IPO8: variants seen among roughly 807,000 people sequenced by gnomAD.
The protein encoded by IPO8 is importin 8.
A neutral mutation model predicts 141.2 loss-of-function variants in IPO8; 65 were observed. The observed-to-expected ratio is 0.46, with a 90% CI of 0.38 to 0.57. The LOEUF (loss-of-function observed/expected upper bound fraction) is 0.57. Ranked by LOEUF, IPO8 falls within the 20% of genes least tolerant of loss-of-function variation. The probability of loss-of-function intolerance (pLI) is 0.00; values close to 1 mark genes in which losing one functional copy is unlikely to be tolerated. For missense variants in IPO8, 980 were observed against 1,246.8 expected (o/e 0.79, Z 3.22); for synonymous variants, 411 against 420.3 (o/e 0.98, Z 0.27).
chr12:30,689,977 T>C (rs1341482246), intron 2 of IPO8, among the ~76,000 whole-genome samples: 4 of 152,102 alleles, frequency 2.6e-5, no homozygotes, highest in Non-Finnish European at 5.9e-5. Flanking sequence ...AAAAACAAGA[T>C]AAAAGAACGA....
chr12:30,661,066 A>T, intron 16 of IPO8, 75 bp downstream of exon 16: 1 of 1,170,304 alleles, frequency 8.5e-7, no homozygotes, highest in Non-Finnish European at 1.1e-6. Flanking sequence ...TGGAGACTTC[A>T]AAATTCATGG....
At position 30,665,310 on chromosome 12, in the gene IPO8, C is replaced by A. The variant is rs1454389739; in HGVS notation, c.1339-1G>T. On this transcript the variant is annotated splice_acceptor_variant, in intron 12 of 24. Transcript: ENST00000256079. LOFTEE classifies it high-confidence loss of function. Reference sequence around the variant, plus strand: ...CCATTTGGTCCTTGAATAAACTCTTCTATTAGGAAACAAATTTCAACTTAT... The same window carrying A: ...CCATTTGGTCCTTGAATAAACTCTTATATTAGGAAACAAATTTCAACTTAT... 1.3e-6 allele frequency: 2 copies of A among 1,524,328 alleles called. No individual in the cohort carries two copies. Among genetic ancestry groups the A allele is most frequent in the Admixed American group, 3.6e-5 (2 of 55,502 alleles). 94.4% of individuals were successfully genotyped at this position (1,524,328 alleles called of 1,614,324 possible). A position where few individuals can be genotyped will look rare whatever the true frequency, so the allele number is the denominator to read the frequency against.
At chr12:30,662,263 T>G in intron 15 of IPO8, 64 bp downstream of exon 15, 1 of 1,287,764 alleles carries the variant, frequency 7.8e-7, no homozygotes, top group South Asian at 1.3e-5. Context: ...ACTCCATATT[T>G]TGGAGTTTAT....
intron 13 of IPO8, among the ~76,000 whole-genome samples, chr12:30,664,019 C>T (rs548150860): frequency 6.6e-6 from 1 of 152,288 alleles, no homozygotes; most frequent in Non-Finnish European, 1.5e-5. Flanking sequence ...TTAGGTAAAA[C>T]ATTATTTTCC....
At chr12:30,652,166 G>A (rs1054395033) in intron 19 of IPO8, 26 bp downstream of exon 19, 1 of 1,344,570 alleles carries the variant, frequency 7.4e-7, no homozygotes, top group Non-Finnish European at 1.1e-6. Context: ...AAGAACCACT[G>A]AAACAATAGA....
At chr12:30,660,975 CTCAG>C (rs1176951454) in intron 16 of IPO8, among the ~76,000 whole-genome samples, 162 bp downstream of exon 16, 6 of 96,724 alleles carry the variant, frequency 6.2e-5, no homozygotes, top group Admixed American at 1.8e-4. Flanking sequence ...TATAATGTTA[CTCAG>C]TCATTTTAAT....
At chr12:30,676,134 T>C (rs76335456) in intron 6 of IPO8, among the ~76,000 whole-genome samples, 5,924 of 152,020 alleles carry the variant, frequency 0.039, 366 homozygotes, top group African/African-American at 0.13. Context: ...CTATGTTGCA[T>C]AGATTGGTCT....
chr12:30,658,738 T>A (rs1376011906), intron 16 of IPO8, among the ~76,000 whole-genome samples: 2 of 152,170 alleles, frequency 1.3e-5, no homozygotes, highest in African/African-American at 4.8e-5. Context: ...TTACTTGTAA[T>A]TTAATTTGGA....
At chr12:30,693,514 G>A (rs532326292) in intron 1 of IPO8, among the ~76,000 whole-genome samples, 1 of 152,300 alleles carries the variant, frequency 6.6e-6, no homozygotes, top group Non-Finnish European at 1.5e-5. Context: ...TACTTGCTGA[G>A]GGGAGACCTA....
At chr12:30,653,896 A>C (rs2052760299) in intron 17 of IPO8, among the ~76,000 whole-genome samples, 1 of 152,088 alleles carries the variant, frequency 6.6e-6, no homozygotes, top group South Asian at 2.1e-4. Context: ...AATAAAATGG[A>C]AATTACAAAT....
At chr12:30,682,276 G>C (rs569389258) in intron 3 of IPO8, among the ~76,000 whole-genome samples, 4 of 152,172 alleles carry the variant, frequency 2.6e-5, no homozygotes, top group African/African-American at 9.6e-5. Flanking sequence ...GCTTCTCTAT[G>C]GGCCAAAACC....
At chr12:30,656,327 G>C (rs926760569) in intron 17 of IPO8, among the ~76,000 whole-genome samples, 3 of 151,994 alleles carry the variant, frequency 2.0e-5, no homozygotes, top group African/African-American at 7.2e-5. Flanking sequence ...TGTGAGCCAC[G>C]GTGCCCAGCC....
Position 30,666,251 on chromosome 12 carries a change from T to A in IPO8, c.1145A>T (p.Asp382Val). The A allele has an allele frequency of 1.9e-6, 3 of 1,574,424 alleles. No homozygotes were observed. Among genetic ancestry groups the A allele is most frequent in the Non-Finnish European group, 2.6e-6 (3 of 1,153,354 alleles). The change falls in exon 11 of 25, where the codon GAT becomes GTT. Residue 382 changes from aspartate to valine, a missense_variant and splice_region_variant. Coordinates refer to ENST00000256079, the MANE Select transcript of IPO8 (RefSeq NM_006390.4). The stretch of plus-strand genomic sequence containing the variant: ...GGGAGAAGCATAATCTTCAAAAATA[T>A]CTAAGATTTTAAAAGGTTAAAACCA... ...DPYEYIRMKF[D>V]IFEDYASPTT... is the part of the protein sequence containing the mutation.
chr12:30,634,821 G>T (rs896106309), intron 22 of IPO8, among the ~76,000 whole-genome samples: 1 of 151,908 alleles, frequency 6.6e-6, no homozygotes, highest in Non-Finnish European at 1.5e-5. Context: ...CCCACTTCAG[G>T]ATATATATCT....
At chr12:30,642,081 A>G (rs1201825689) in intron 20 of IPO8, among the ~76,000 whole-genome samples, 1 of 152,090 alleles carries the variant, frequency 6.6e-6, no homozygotes, top group Non-Finnish European at 1.5e-5. Flanking sequence ...CTGTAATCCC[A>G]GCTACTCGGG....
intron 9 of IPO8, 115 bp from the exon 10 acceptor site, chr12:30,669,397 G>C: frequency 2.0e-6 from 1 of 512,054 alleles, no homozygotes; most frequent in East Asian, 3.0e-5. Flanking sequence ...CAAACTCTGT[G>C]TGTGTGTAAA....
chr12:30,647,204 A>G (rs2052659022), intron 20 of IPO8, among the ~76,000 whole-genome samples: 1 of 152,206 alleles, frequency 6.6e-6, no homozygotes, highest in South Asian at 2.1e-4. Context: ...TTCAATGGGG[A>G]AAAAATAGTC....
chr12:30,687,200 T>C (rs1472472459), intron 2 of IPO8, among the ~76,000 whole-genome samples: 5 of 152,210 alleles, frequency 3.3e-5, no homozygotes, highest in South Asian at 4.1e-4. Flanking sequence ...AGAGCATCCT[T>C]GTATTTTAAT....
In IPO8 at chr12:30,671,088, T is replaced by C. The variant is rs2053042033; in HGVS notation, c.918A>G (p.Leu306=). The change falls in exon 9 of 25, where the codon CTA becomes CTG. Residue 306 remains leucine (L), a synonymous_variant. Coordinates refer to ENST00000256079, the MANE Select transcript of IPO8 (RefSeq NM_006390.4). ...TCTGTCTATATTGATCTAAAATTTT[T>C]AGTAGCACCTATAAGAAAACAGAAA... ...TYAVGIQQVL[L]KILDQYRQKE... 1 of 1,582,098 alleles carries C rather than the reference T, an allele frequency of 6.3e-7. No individual in the cohort carries two copies. The highest frequency in any genetic ancestry group is 8.7e-7 in the Non-Finnish European group (1 of 1,151,512).
Sources: gnomAD v4.1 joint callset for allele counts (sites outside exome capture counted in the v4.1 genomes callset) on GRCh38, gnomAD v4.1.1 for gene constraint, MANE v1.5 for transcripts, NCBI Gene and HGNC (gene_info 2026-07-23, HGNC 2026-07-21) for gene names.